ETV5: variants seen among roughly 807,000 people sequenced by gnomAD.
ETV5 encodes ETS variant transcription factor 5, also known as ETS translocation variant 5.
Under a neutral mutation model 70.0 loss-of-function variants are expected in ETV5, and 10 were observed. That is an observed-to-expected ratio of 0.14 (90% CI 0.09 to 0.24). The LOEUF is 0.24. Among genes scored for constraint, ETV5 ranks in the 10% least tolerant of loss-of-function variants. The pLI, the probability that ETV5 is intolerant of heterozygous loss-of-function variation, is 1.00. For missense variants in ETV5, 453 were observed against 651.2 expected (o/e 0.70, Z 3.31); for synonymous variants, 216 against 242.2 (o/e 0.89, Z 1.01).
rs749857411 is a variant in ETV5 at position 186,108,478 on chromosome 3, G to A, written c.-75+462C>T. 8.7e-6 allele frequency: 11 copies of A among 1,271,530 alleles called. No individual in the cohort carries two copies. The South Asian group carries it at 1.1e-4, about 13-fold the overall frequency. 78.8% of individuals were successfully genotyped at this position (1,271,530 alleles called of 1,614,324 possible). A position where few individuals can be genotyped will look rare whatever the true frequency, so the allele number is the denominator to read the frequency against. ...TTGCCTGTGTCATTTACCCCCTCCC[G>A]GTGCTCTGGGGGGCAGCGCCTCTCA... On this transcript the variant is annotated intron_variant, in intron 1 of 12. Coordinates refer to ENST00000306376, the MANE Select transcript of ETV5 (RefSeq NM_004454.3).
intron 1 of ETV5, among the ~76,000 whole-genome samples, chr3:186,107,528 A>AAAAAAAAAATTCT (rs1714616557): frequency 6.6e-6 from 1 of 152,246 alleles, no homozygotes; most frequent in Non-Finnish European, 1.5e-5. Context: ...TAAAAAATTA[A>AAAAAAAAAATTCT]AAGAAATAAA....
At chr3:186,073,130 TCAAAA>T (rs774549778) in intron 7 of ETV5, among the ~76,000 whole-genome samples, 87 of 152,202 alleles carry the variant, frequency 5.7e-4, no homozygotes, top group African/African-American at 2.0e-3. Context: ...AGACTCCGTC[TCAAAA>T]CAAAACAAAA....
At chr3:186,048,893 T>G (rs953252209) in intron 12 of ETV5, 33 bp from the exon 13 acceptor site, 1 of 1,572,614 alleles carries the variant, frequency 6.4e-7, no homozygotes, top group African/African-American at 1.3e-5. Flanking sequence ...CAGGGCCCAG[T>G]TGGAACAGGG....
chr3:186,092,687 GC>G (rs1240951080), intron 5 of ETV5, among the ~76,000 whole-genome samples: 1 of 151,826 alleles, frequency 6.6e-6, no homozygotes, highest in Non-Finnish European at 1.5e-5. Flanking sequence ...TCTAGTCTCA[GC>G]CCCCCAAAGT....
chr3:186,056,090 T>C (rs1713156154), intron 11 of ETV5, among the ~76,000 whole-genome samples: 1 of 152,258 alleles, frequency 6.6e-6, no homozygotes, highest in Non-Finnish European at 1.5e-5. Context: ...TGATTTAATT[T>C]ACTTTGTTAT....
At chr3:186,082,551 G>T (rs995332147) in intron 5 of ETV5, among the ~76,000 whole-genome samples, 3 of 151,764 alleles carry the variant, frequency 2.0e-5, no homozygotes, top group Non-Finnish European at 2.9e-5. Flanking sequence ...CTGCCGAGTA[G>T]CTGGGATTAC....
intron 5 of ETV5, among the ~76,000 whole-genome samples, chr3:186,096,340 C>T (rs1049338802): frequency 1.3e-5 from 2 of 152,182 alleles, no homozygotes; most frequent in Non-Finnish European, 1.5e-5. Flanking sequence ...GACATCCCCC[C>T]CTCTTCTATT....
At chr3:186,051,459 A>G (rs1713028047) in intron 12 of ETV5, among the ~76,000 whole-genome samples, 1 of 152,232 alleles carries the variant, frequency 6.6e-6, no homozygotes, top group Non-Finnish European at 1.5e-5. Flanking sequence ...TGATTTCTTC[A>G]AAATATGCTT....
intron 7 of ETV5, among the ~76,000 whole-genome samples, chr3:186,066,832 G>C (rs1317143280): frequency 6.6e-6 from 1 of 152,192 alleles, no homozygotes; most frequent in African/African-American, 2.4e-5. Context: ...AACAAATTGA[G>C]AGATTGGCAG....
At chr3:186,103,465 A>C (rs1056883268) in intron 5 of ETV5, among the ~76,000 whole-genome samples, 1 of 152,170 alleles carries the variant, frequency 6.6e-6, no homozygotes, top group African/African-American at 2.4e-5. Flanking sequence ...GAAACAAACA[A>C]AAGTGTCATA....
intron 5 of ETV5, among the ~76,000 whole-genome samples, chr3:186,081,866 C>T (rs1463842545): frequency 2.6e-5 from 4 of 152,198 alleles, no homozygotes; most frequent in Admixed American, 6.5e-5. Context: ...TCTCAGTGAC[C>T]GACCAGCAAG....
intron 11 of ETV5, among the ~76,000 whole-genome samples, chr3:186,056,513 G>A (rs1713165654): frequency 6.6e-6 from 1 of 152,006 alleles, no homozygotes; most frequent in Non-Finnish European, 1.5e-5. Flanking sequence ...CTCCCAAAAT[G>A]TTGGGATTAC....
At chr3:186,087,233 G>A (rs1351454799) in intron 5 of ETV5, among the ~76,000 whole-genome samples, 1 of 152,122 alleles carries the variant, frequency 6.6e-6, no homozygotes, top group Admixed American at 6.5e-5. Context: ...TGAGCTAAAA[G>A]AAGCCAGACA....
intron 5 of ETV5, among the ~76,000 whole-genome samples, chr3:186,088,273 G>A (rs914208438): frequency 3.3e-5 from 5 of 152,192 alleles, no homozygotes; most frequent in African/African-American, 7.2e-5. Context: ...GCACTGACAC[G>A]TGCTTCTGAA....
intron 12 of ETV5, among the ~76,000 whole-genome samples, chr3:186,051,365 A>C (rs1485352705): frequency 6.6e-6 from 1 of 152,218 alleles, no homozygotes; most frequent in Non-Finnish European, 1.5e-5. Context: ...TAGCTAAGAA[A>C]GACTTGCCAT....
intron 7 of ETV5, among the ~76,000 whole-genome samples, chr3:186,073,987 C>G (rs1713709334): frequency 6.6e-6 from 1 of 151,770 alleles, no homozygotes; most frequent in East Asian, 1.9e-4. Flanking sequence ...AGAATAAACC[C>G]AAAGAAAACA....
At chr3:186,098,382 G>A (rs1202423182) in intron 5 of ETV5, among the ~76,000 whole-genome samples, 1 of 152,118 alleles carries the variant, frequency 6.6e-6, no homozygotes, top group African/African-American at 2.4e-5. Context: ...TTCACTGCTG[G>A]TAGCTACATC....
intron 7 of ETV5, among the ~76,000 whole-genome samples, chr3:186,073,863 T>C (rs192668431): frequency 6.6e-6 from 1 of 152,192 alleles, no homozygotes; most frequent in African/African-American, 2.4e-5. Flanking sequence ...CAAACTTCCA[T>C]GTACAGTCAC....
At position 186,082,567 on chromosome 3, in the gene ETV5, C is replaced by G. The variant is rs568144406; in HGVS notation, c.233-1392G>C. On this transcript the variant is annotated intron_variant, in intron 5 of 12. Transcript: ENST00000306376. The stretch of plus-strand genomic sequence containing the variant: ...TGCCGAGTAGCTGGGATTACAGGTG[C>G]CCGCCACCATGCCCAGCTAATTTTT... Among the ~76,000 whole-genome samples the G allele has an allele frequency of 3.3e-5, 5 of 152,038 alleles. No homozygotes were observed. The South Asian group carries it at 1.0e-3, about 32-fold the overall frequency.
Sources: gnomAD v4.1 joint callset for allele counts (sites outside exome capture counted in the v4.1 genomes callset) on GRCh38, gnomAD v4.1.1 for gene constraint, MANE v1.5 for transcripts, NCBI Gene and HGNC (gene_info 2026-07-23, HGNC 2026-07-21) for gene names.